Variants in DYNC2H1 observed in about 807,000 individuals in gnomAD.
DYNC2H1 encodes the protein cytoplasmic dynein 2 heavy chain 1.
Under a neutral mutation model 570.0 loss-of-function variants are expected in DYNC2H1, and 410 were observed. The observed-to-expected ratio is 0.72, with a 90% confidence interval of 0.66 to 0.78. The LOEUF (loss-of-function observed/expected upper bound fraction) is 0.78, where lower values mean the gene tolerates loss of function less well. Among genes scored for constraint, DYNC2H1 ranks in the 30% least tolerant of loss-of-function variants. DYNC2H1 has a pLI of 0.00. For missense variants in DYNC2H1, 4,865 were observed against 5,046.4 expected, an observed-to-expected ratio of 0.96 and a Z score of 1.09; for synonymous variants, 1,688 against 1,677.6, an observed-to-expected ratio of 1.01 and a Z score of -0.15.
intron 78 of DYNC2H1, among the ~76,000 whole-genome samples, chr11:103,311,238 T>C (rs1408336629): frequency 1.3e-5 from 2 of 152,160 alleles, no homozygotes; most frequent in Non-Finnish European, 2.9e-5. Context: ...GAGGGGGTTG[T>C]TTTGCTATTT....
rs1484155177 is a variant in DYNC2H1, at chr11:103,138,681, G to T, written c.2574+2733G>T. Among the ~76,000 whole-genome samples, 5 of 151,920 alleles carry T rather than the reference G, an allele frequency of 3.3e-5. No individual in the cohort carries two copies. In the South Asian group the frequency reaches 6.2e-4, roughly 19 times the overall value. ...ATATTGGTCTGAAATTCTCTTTTTT[G>T]GTTGTGTCTCTGCCCGGCTTTGGTG... On this transcript the variant is annotated intron_variant, in intron 17 of 88. Coordinates refer to ENST00000375735, the MANE Select transcript of DYNC2H1 (RefSeq NM_001377.3).
rs188810594 is a variant in DYNC2H1, at chr11:103,145,758, A to G, written c.2703-2014A>G. On this transcript the variant is annotated intron_variant, in intron 18 of 88. Transcript: ENST00000375735. The surrounding 1 kb of genome is among the most constrained non-coding windows in gnomAD (Gnocchi z 4.2). ...CTAGTGATGTATTTTAGATAGTATCATAAGAAAATCATTTTTGAATATGCA... is the reference window on the plus strand; with the variant it reads ...CTAGTGATGTATTTTAGATAGTATCGTAAGAAAATCATTTTTGAATATGCA... Among the ~76,000 whole-genome samples, 352 of 152,382 alleles carry G rather than the reference A, an allele frequency of 2.3e-3. 1 individual carries two copies. Among genetic ancestry groups the G allele is most frequent in the South Asian group, 4.1e-3 (20 of 4,832 alleles).
intron 85 of DYNC2H1, among the ~76,000 whole-genome samples, chr11:103,436,790 T>C (rs926243545): frequency 2.6e-5 from 4 of 152,172 alleles, no homozygotes; most frequent in Non-Finnish European, 5.9e-5. Flanking sequence ...CTCTAGACTT[T>C]CCAGTCTCTT....
chr11:103,287,727 T>C, intron 75 of DYNC2H1, 122 bp downstream of exon 75: 1 of 823,018 alleles, frequency 1.2e-6, no homozygotes, highest in Non-Finnish European at 1.8e-6. Context: ...TCATTCTGTT[T>C]ATTTATCTTC....
At chr11:103,314,885 C>T (rs907652019) in intron 79 of DYNC2H1, among the ~76,000 whole-genome samples, 1 of 151,894 alleles carries the variant, frequency 6.6e-6, no homozygotes, top group Non-Finnish European at 1.5e-5. Flanking sequence ...AGGTATTAAA[C>T]ATTTTTTAAA....
chr11:103,116,460 A>G (rs1217234224), intron 4 of DYNC2H1, 110 bp from the exon 5 acceptor site: 6 of 730,602 alleles, frequency 8.2e-6, no homozygotes, highest in Non-Finnish European at 1.2e-5. Context: ...GGAGAAAATA[A>G]TATGGCAAAT....
At chr11:103,218,446 G>A (rs1304498885) in intron 55 of DYNC2H1, among the ~76,000 whole-genome samples, 1 of 151,894 alleles carries the variant, frequency 6.6e-6, no homozygotes, top group East Asian at 1.9e-4. Flanking sequence ...TTTTCTCAAG[G>A]TATTTTGGAA....
At chr11:103,173,681 G>A (rs1031969168) in intron 35 of DYNC2H1, among the ~76,000 whole-genome samples, 2 of 151,984 alleles carry the variant, frequency 1.3e-5, no homozygotes, top group Non-Finnish European at 2.9e-5. Context: ...CTGACATTTA[G>A]CTTCTTTGGG....
At position 103,424,636 on chromosome 11, in the gene DYNC2H1, C is replaced by A. The variant is rs911490788; in HGVS notation, c.12367-11307C>A. ...TGCTACTCAGAAATTCAAACAATGACTATTTGATTTATGCAACTACATGGA... is the reference window on the plus strand; with the variant it reads ...TGCTACTCAGAAATTCAAACAATGAATATTTGATTTATGCAACTACATGGA... On this transcript the variant is annotated intron_variant, in intron 84 of 88. Coordinates refer to ENST00000375735, the MANE Select transcript of DYNC2H1 (RefSeq NM_001377.3). Among the ~76,000 whole-genome samples, 6 of 146,388 alleles carry A rather than the reference C, an allele frequency of 4.1e-5. No individual in the cohort carries two copies. In the South Asian group the frequency reaches 1.1e-3, roughly 26 times the overall value.
At chr11:103,192,286 A>C in intron 47 of DYNC2H1, 22 bp downstream of exon 47, 1 of 1,450,366 alleles carries the variant, frequency 6.9e-7, no homozygotes, top group Non-Finnish European at 9.2e-7. Context: ...GAGCTTATGC[A>C]AATACATAAC....
intron 83 of DYNC2H1, among the ~76,000 whole-genome samples, chr11:103,359,314 A>C (rs1177787307): frequency 6.6e-6 from 1 of 152,154 alleles, no homozygotes; most frequent in Admixed American, 6.6e-5. Context: ...CTACTAAGCC[A>C]CTTTTTTTTA....
chr11:103,409,890 C>T (rs899762566), intron 84 of DYNC2H1, among the ~76,000 whole-genome samples: 7 of 152,056 alleles, frequency 4.6e-5, no homozygotes, highest in African/African-American at 1.7e-4. Flanking sequence ...CTTTTTAATG[C>T]TTGATTCAGT....
chr11:103,358,467 C>T, intron 83 of DYNC2H1, 108 bp downstream of exon 83: 2 of 703,706 alleles, frequency 2.8e-6, no homozygotes, highest in Non-Finnish European at 4.8e-6. Context: ...GCAGAGGTTC[C>T]TAACTGTGAA....
At position 103,415,534 on chromosome 11, in the gene DYNC2H1, C is replaced by A. The variant is rs145153708; in HGVS notation, c.12366+15662C>A. Among the ~76,000 whole-genome samples the A allele has an allele frequency of 9.2e-3, 1,394 of 152,230 alleles. 15 individuals are homozygous for A. Among genetic ancestry groups the A allele is most frequent in the African/African-American group, 0.032 (1,321 of 41,546 alleles). On this transcript the variant is annotated intron_variant, in intron 84 of 88. Transcript: ENST00000375735. ...CAAAAGAAGACATCTATGCAGCCAA[C>A]AGACACATAAAAAAACGCTCATCAT...
At position 103,479,362 on chromosome 11, in the gene DYNC2H1, C is replaced by T; in HGVS notation, c.*109C>T. The T allele has an allele frequency of 1.6e-6, 2 of 1,288,710 alleles. No homozygotes were observed. The highest frequency in any genetic ancestry group is 2.1e-6 in the Non-Finnish European group (2 of 973,618). 79.8% of individuals were successfully genotyped at this position (1,288,710 alleles called of 1,614,324 possible). On this transcript the variant is annotated 3_prime_UTR_variant, in exon 89 of 89. Transcript: ENST00000375735. The stretch of plus-strand genomic sequence containing the variant: ...TTGAAATGTTAGTTCAAAATATTAA[C>T]ATATAGTTATGTTGTTGATGTCACT...
At chr11:103,257,807 G>A in intron 69 of DYNC2H1, 56 bp downstream of exon 69, 2 of 1,329,236 alleles carry the variant, frequency 1.5e-6, no homozygotes, top group Admixed American at 3.4e-5. Flanking sequence ...ACTTTACTAG[G>A]GATAGTACTT....
rs766377240 is a variant in DYNC2H1, at chr11:103,204,934, G to A, written c.8424G>A (p.Met2808Ile). 1.3e-6 allele frequency: 2 copies of A among 1,591,598 alleles called. No individual in the cohort carries two copies. Residue 2808 changes from methionine (M) to isoleucine (I), a missense_variant, in exon 52 of 89, where the codon ATG becomes ATA. By Grantham distance (10) the Met-to-Ile change is conservative. Around this residue, in one of 5 missense-constraint regions of DYNC2H1, gnomAD observed 2,401 missense variants for 2,454.6 expected, o/e 0.98. Transcript: ENST00000375735. The surrounding 1 kb of genome is among the most constrained non-coding windows in gnomAD (Gnocchi z 4.1). ...ALHKKCQVLW[M>I]EGWSNSSMKK... ...ATAAGAAATGCCAGGTGTTGTGGAT[G>A]GAGGGTTGGTCCAATAGCAGTATGA...
At chr11:103,435,139 C>T (rs540321496) in intron 84 of DYNC2H1, among the ~76,000 whole-genome samples, 1 of 152,172 alleles carries the variant, frequency 6.6e-6, no homozygotes, top group South Asian at 2.1e-4. Context: ...TTCTAAGGTC[C>T]TTTCTACTCT....
At position 103,198,019 on chromosome 11, in the gene DYNC2H1, C is replaced by G; in HGVS notation, c.7795C>G (p.Leu2599Val). Residue 2599 changes from leucine (L) to valine (V), a missense_variant, in exon 48 of 89, where the codon CTT (leucine) becomes GTT (valine). Around this residue, in one of 5 missense-constraint regions of DYNC2H1, gnomAD observed 2,401 missense variants for 2,454.6 expected, o/e 0.98. Transcript: ENST00000375735. Reference sequence around the variant, plus strand: ...ACCATTACCTCCACATGGAAAACCACTTGGAAAACTAAACTCTACTGATCT... The same window carrying G: ...ACCATTACCTCCACATGGAAAACCAGTTGGAAAACTAAACTCTACTGATCT... ...GQPLPPHGKP[L>V]GKLNSTDLKD... 1 of 1,554,390 alleles carries G rather than the reference C, an allele frequency of 6.4e-7. No individual in the cohort carries two copies. Among genetic ancestry groups the G allele is most frequent in the Non-Finnish European group, 8.7e-7 (1 of 1,148,218 alleles).
Sources: gnomAD v4.1 joint callset for allele counts (sites outside exome capture counted in the v4.1 genomes callset) on GRCh38, gnomAD v4.1.1 for gene constraint, gnomAD v4.1.1 regional missense constraint, Gnocchi (gnomAD v3.1) non-coding constraint, MANE v1.5 for transcripts, NCBI Gene and HGNC (gene_info 2026-07-23, HGNC 2026-07-21) for gene names.